The following CSMD1 variants were observed in gnomAD, a reference collection of about 807,000 sequenced individuals.
The protein encoded by CSMD1 is CUB and sushi domain-containing protein 1.
In CSMD1, 213 loss-of-function variants were observed where a neutral mutation model predicts 417.5. That is an observed-to-expected ratio of 0.51 (90% CI 0.46 to 0.57). The LOEUF is 0.57. CSMD1 is among the 20% of genes least tolerant of loss of function. The pLI is 0.00. For synonymous variants in CSMD1, 2,862 were observed against 1,736.8 expected (o/e 1.65, Z -16.11); for missense variants, 6,923 against 4,529.7 (o/e 1.53, Z -15.17).
intron 1 of CSMD1, among the ~76,000 whole-genome samples, chr8:4,945,785 G>A (rs565790052): frequency 3.3e-4 from 51 of 152,266 alleles, no homozygotes; most frequent in African/African-American, 1.2e-3. Flanking sequence ...GGAGAATGGT[G>A]ACGGATGAGG....
intron 7 of CSMD1, among the ~76,000 whole-genome samples, chr8:3,649,429 T>G (rs1344888354): frequency 6.6e-6 from 1 of 152,234 alleles, no homozygotes; most frequent in Non-Finnish European, 1.5e-5. Context: ...TGCCTGAGAC[T>G]GGGTAATTTA....
At chr8:4,045,744 T>A (rs1391571679) in intron 3 of CSMD1, among the ~76,000 whole-genome samples, 1 of 152,190 alleles carries the variant, frequency 6.6e-6, no homozygotes, top group Non-Finnish European at 1.5e-5. Context: ...TGAACACCAG[T>A]GAACTGTGAA....
chr8:4,988,846 A>G (rs1056030802), intron 1 of CSMD1, among the ~76,000 whole-genome samples: 1 of 152,228 alleles, frequency 6.6e-6, no homozygotes, highest in Non-Finnish European at 1.5e-5. Context: ...CAAGGTGTGC[A>G]TTATTTCCAT....
chr8:4,803,125 T>G (rs1190456067), intron 1 of CSMD1, among the ~76,000 whole-genome samples: 1 of 152,134 alleles, frequency 6.6e-6, no homozygotes, highest in African/African-American at 2.4e-5. Context: ...TGTATATGAT[T>G]TTTTTGCCCA....
Position 3,359,337 on chromosome 8 carries a change from T to C in CSMD1, c.3119A>G (p.Tyr1040Cys). The C allele has an allele frequency of 6.2e-7, 1 of 1,612,540 alleles. No homozygotes were observed. The highest frequency in any genetic ancestry group is 8.5e-7 in the Non-Finnish European group (1 of 1,179,414). Residue 1040 changes from tyrosine to cysteine, a missense_variant, in exon 21 of 70, where the codon TAT (tyrosine) becomes TGT (cysteine). Transcript: ENST00000635120. ...YEGFNITFSE[Y>C]DLEPCDDPGV... ...AGGATCATCACATGGCTCCAGGTCA[T>C]ATTCTGAGGCATGCAGAGACAGAGT...
At chr8:2,983,869 T>C (rs944319194) in intron 54 of CSMD1, among the ~76,000 whole-genome samples, 4 of 152,162 alleles carry the variant, frequency 2.6e-5, no homozygotes, top group South Asian at 2.1e-4. Flanking sequence ...ATAATTATTA[T>C]ACAAAAAGGA....
intron 2 of CSMD1, among the ~76,000 whole-genome samples, chr8:4,542,014 C>T (rs954062960): frequency 6.6e-6 from 1 of 152,070 alleles, no homozygotes; most frequent in African/African-American, 2.4e-5. Flanking sequence ...CACTCTGTTG[C>T]CAATTGAAGC....
chr8:3,615,079 C>A (rs1357055194), intron 8 of CSMD1, among the ~76,000 whole-genome samples: 1 of 152,168 alleles, frequency 6.6e-6, no homozygotes, highest in Non-Finnish European at 1.5e-5. Context: ...CAAATGACTG[C>A]TGTTTTCTAA....
intron 52 of CSMD1, among the ~76,000 whole-genome samples, chr8:3,005,721 A>G (rs1807832510): frequency 6.6e-6 from 1 of 152,136 alleles, no homozygotes; most frequent in Admixed American, 6.5e-5. Flanking sequence ...AAATTCAACA[A>G]CGCTTCATGC....
At chr8:3,385,486 T>G (rs547188078) in intron 18 of CSMD1, among the ~76,000 whole-genome samples, 2 of 152,002 alleles carry the variant, frequency 1.3e-5, no homozygotes, top group Non-Finnish European at 2.9e-5. Flanking sequence ...TTTATAATAT[T>G]TCTAATTCAT....
At chr8:4,100,383 A>T (rs1049171032) in intron 3 of CSMD1, among the ~76,000 whole-genome samples, 1 of 152,086 alleles carries the variant, frequency 6.6e-6, no homozygotes, top group African/African-American at 2.4e-5. Flanking sequence ...ATCTCCTTCC[A>T]CCTTCCCTGT....
At chr8:3,130,634 TCTCTC>T (rs1373986989) in intron 41 of CSMD1, among the ~76,000 whole-genome samples, 2 of 151,970 alleles carry the variant, frequency 1.3e-5, no homozygotes, top group Non-Finnish European at 1.5e-5. Context: ...TCCTTTCTCT[TCTCTC>T]AACTCATCGG....
At chr8:4,181,260 G>T (rs1365870975) in intron 3 of CSMD1, among the ~76,000 whole-genome samples, 1 of 152,052 alleles carries the variant, frequency 6.6e-6, no homozygotes, top group South Asian at 2.1e-4. Context: ...CCCTGAACGT[G>T]CCCAATCTCA....
intron 1 of CSMD1, among the ~76,000 whole-genome samples, chr8:4,870,554 C>G (rs758328780): frequency 3.3e-5 from 5 of 152,058 alleles, no homozygotes; most frequent in Admixed American, 6.5e-5. Flanking sequence ...TCTCGTGTGT[C>G]AGTCTCAGCC....
chr8:3,965,257 G>C (rs540291906), intron 5 of CSMD1, among the ~76,000 whole-genome samples: 1 of 152,240 alleles, frequency 6.6e-6, no homozygotes, highest in Non-Finnish European at 1.5e-5. Flanking sequence ...CTCAGCCTTT[G>C]GTCTCCTCCC....
intron 5 of CSMD1, among the ~76,000 whole-genome samples, chr8:3,914,459 T>C (rs1348474020): frequency 6.6e-6 from 1 of 152,172 alleles, no homozygotes; most frequent in Non-Finnish European, 1.5e-5. Context: ...ACGCTAATTA[T>C]TATTATATCA....
Position 4,438,117 on chromosome 8 carries a change from C to T in CSMD1, c.303-18052G>A, listed in dbSNP as rs116826233. ...AGTTCCTGCTGTTTCTAGCACACTA[C>T]GCTGCACTCAGAAAAGAATTGAGTG... On this transcript the variant is annotated intron_variant, in intron 2 of 69. Transcript: ENST00000635120. 8.7e-3 allele frequency among the ~76,000 whole-genome samples: 1,325 copies of T among 152,296 alleles called. 22 individuals are homozygous for T. The highest frequency in any genetic ancestry group is 0.027 in the African/African-American group (1,130 of 41,556).
At chr8:4,138,067 TTTTTTTTTTTTTTTTTTTTTG>T (rs1803542773) in intron 3 of CSMD1, among the ~76,000 whole-genome samples, 8 of 81,578 alleles carry the variant, frequency 9.8e-5, no homozygotes, top group Admixed American at 2.7e-4. Flanking sequence ...TTTTTTTTTT[TTTTTTTTTTTTTTTTTTTTTG>T]TATTTTTTAG....
chr8:4,765,781 G>C (rs1444130182), intron 1 of CSMD1, among the ~76,000 whole-genome samples: 3 of 152,144 alleles, frequency 2.0e-5, no homozygotes, highest in Non-Finnish European at 4.4e-5. Context: ...ATAATAGAGA[G>C]AGCCTGGGGG....
Sources: allele counts gnomAD v4.1 joint callset (sites outside exome capture counted in the v4.1 genomes callset), GRCh38; gene constraint gnomAD v4.1.1; transcripts MANE v1.5; gene names NCBI Gene and HGNC (gene_info 2026-07-23, HGNC 2026-07-21).